PDZRN4: variants seen among roughly 807,000 people sequenced by gnomAD.
PDZRN4 encodes the protein PDZ domain containing ring finger 4, also known as PDZ domain-containing RING finger protein 4.
In PDZRN4, 70 loss-of-function variants were observed where a neutral mutation model predicts 99.0. That is an observed-to-expected ratio of 0.71 (90% CI 0.58 to 0.86). The LOEUF is 0.86. Ranked by LOEUF, PDZRN4 falls within the 40% of genes least tolerant of loss-of-function variation. The probability of loss-of-function intolerance (pLI) is 0.00; values close to 1 mark genes in which losing one functional copy is unlikely to be tolerated. For missense variants in PDZRN4, 1,474 were observed against 1,331.2 expected (o/e 1.11, Z -1.67); for synonymous variants, 551 against 501.6 (o/e 1.10, Z -1.32).
chr12:41,454,053 T>G (rs1952798092), intron 3 of PDZRN4, among the ~76,000 whole-genome samples: 1 of 151,376 alleles, frequency 6.6e-6, no homozygotes, highest in Non-Finnish European at 1.5e-5. Context: ...TTTTTTCTTC[T>G]GATGAGCTAT....
intron 3 of PDZRN4, among the ~76,000 whole-genome samples, chr12:41,209,227 T>G (rs1047708580): frequency 7.2e-5 from 11 of 152,168 alleles, no homozygotes; most frequent in African/African-American, 2.6e-4. Context: ...GTTACTTTCT[T>G]TAGCTTTCTA....
At chr12:41,401,637 C>T (rs1023805370) in intron 3 of PDZRN4, among the ~76,000 whole-genome samples, 2 of 152,126 alleles carry the variant, frequency 1.3e-5, no homozygotes, top group Non-Finnish European at 2.9e-5. Flanking sequence ...TGTGCAAATG[C>T]TTCCATACTT....
chr12:41,488,096 AG>A (rs1937810527), intron 3 of PDZRN4, among the ~76,000 whole-genome samples: 1 of 152,184 alleles, frequency 6.6e-6, no homozygotes, highest in Non-Finnish European at 1.5e-5. Flanking sequence ...AATGTTACAA[AG>A]TATTATTTTA....
intron 3 of PDZRN4, among the ~76,000 whole-genome samples, chr12:41,374,053 G>A (rs1952062481): frequency 6.6e-6 from 1 of 152,126 alleles, no homozygotes. Context: ...CATTATTAGG[G>A]ACTTATGCTT....
intron 3 of PDZRN4, among the ~76,000 whole-genome samples, chr12:41,319,897 A>G (rs990167811): frequency 6.6e-6 from 1 of 152,098 alleles, no homozygotes; most frequent in South Asian, 2.1e-4. Context: ...TGGTAGCCCT[A>G]CCCTTTTCTG....
Position 41,433,903 on chromosome 12 carries a change from A to T in PDZRN4, c.844-72553A>T, listed in dbSNP as rs186315697. Among the ~76,000 whole-genome samples, 36 of 152,342 alleles carry T rather than the reference A, an allele frequency of 2.4e-4. No homozygotes were observed. In the East Asian group the frequency reaches 6.7e-3, roughly 29 times the overall value. On this transcript the variant is annotated intron_variant, in intron 3 of 9. Coordinates refer to ENST00000402685, the MANE Select transcript of PDZRN4 (RefSeq NM_001164595.2). Reference sequence around the variant, plus strand: ...AACAAAAATATAGAAAACACCAATAACAAATGTCAGTTTAATGAATAGTAA... The same window carrying T: ...AACAAAAATATAGAAAACACCAATATCAAATGTCAGTTTAATGAATAGTAA...
intron 3 of PDZRN4, among the ~76,000 whole-genome samples, chr12:41,241,095 T>C (rs1053214758): frequency 4.6e-5 from 7 of 152,130 alleles, no homozygotes; most frequent in Non-Finnish European, 1.0e-4. Context: ...TTATCCAAAA[T>C]GCTCAAGACC....
chr12:41,260,377 GTC>G (rs1951229219), intron 3 of PDZRN4, among the ~76,000 whole-genome samples: 1 of 151,992 alleles, frequency 6.6e-6, no homozygotes, highest in African/African-American at 2.4e-5. Context: ...TTTGTGGGTG[GTC>G]TCTGATTAAA....
chr12:41,407,789 T>C (rs572145787), intron 3 of PDZRN4, among the ~76,000 whole-genome samples: 2 of 152,168 alleles, frequency 1.3e-5, no homozygotes, highest in African/African-American at 2.4e-5. Flanking sequence ...AATATTAACA[T>C]TTCACATTTT....
chr12:41,403,431 T>C (rs1216388050), intron 3 of PDZRN4, among the ~76,000 whole-genome samples: 2 of 152,172 alleles, frequency 1.3e-5, no homozygotes, highest in Non-Finnish European at 2.9e-5. Flanking sequence ...GCTATTTCCA[T>C]CGGGAACGTG....
In PDZRN4 at chr12:41,398,482, G is replaced by A. The variant is rs143768939; in HGVS notation, c.844-107974G>A. On this transcript the variant is annotated intron_variant, in intron 3 of 9. Transcript: ENST00000402685. ...ACCTTGATCTGTTCTCCCTTTTCTA[G>A]AAAAATATTAGAACACTCCCCAACA... Among the ~76,000 whole-genome samples the A allele has an allele frequency of 8.6e-5, 13 of 152,020 alleles. No individual in the cohort carries two copies. In the East Asian group the frequency reaches 2.5e-3, roughly 29 times the overall value.
At chr12:41,526,689 T>C (rs1194860428) in intron 5 of PDZRN4, among the ~76,000 whole-genome samples, 20 of 152,218 alleles carry the variant, frequency 1.3e-4, no homozygotes, top group Admixed American at 1.3e-3. Context: ...TTCTTAGTTT[T>C]ACAACTTTAT....
intron 3 of PDZRN4, among the ~76,000 whole-genome samples, chr12:41,385,323 G>A (rs549721317): frequency 1.3e-5 from 2 of 152,250 alleles, no homozygotes; most frequent in South Asian, 4.1e-4. Context: ...CAGGGGAAAG[G>A]CATTCCAGAC....
intron 3 of PDZRN4, among the ~76,000 whole-genome samples, chr12:41,377,663 C>CAA (rs557332286): frequency 1.4e-5 from 2 of 143,460 alleles, no homozygotes; most frequent in African/African-American, 5.1e-5. Flanking sequence ...GACTCCACCT[C>CAA]AAAAAAAAAA....
At chr12:41,490,693 C>T (rs1006594607) in intron 3 of PDZRN4, among the ~76,000 whole-genome samples, 3 of 152,100 alleles carry the variant, frequency 2.0e-5, no homozygotes, top group African/African-American at 7.2e-5. Context: ...AGGCTGGTTG[C>T]TCTTCAACAT....
intron 3 of PDZRN4, among the ~76,000 whole-genome samples, chr12:41,402,040 T>C (rs544019835): frequency 7.0e-6 from 1 of 143,352 alleles, no homozygotes; most frequent in East Asian, 2.1e-4. Context: ...CACTTGTAAC[T>C]TCTTCCCACT....
intron 3 of PDZRN4, among the ~76,000 whole-genome samples, chr12:41,407,710 G>A (rs34285568): frequency 0.025 from 2,447 of 98,900 alleles, 38 homozygotes; most frequent in Non-Finnish European, 0.03. Context: ...ATGTACAAAA[G>A]AGAAAAAAAA....
At chr12:41,375,786 T>G (rs1952074438) in intron 3 of PDZRN4, among the ~76,000 whole-genome samples, 1 of 152,090 alleles carries the variant, frequency 6.6e-6, no homozygotes, top group East Asian at 1.9e-4. Context: ...ACATTTAAGG[T>G]CTACTCTGTT....
chr12:41,466,321 G>A (rs566151732), intron 3 of PDZRN4, among the ~76,000 whole-genome samples: 1 of 152,260 alleles, frequency 6.6e-6, no homozygotes, highest in South Asian at 2.1e-4. Flanking sequence ...ACCTAGGTTA[G>A]GCATTAATAC....
Sources: gnomAD v4.1 joint callset for allele counts (sites outside exome capture counted in the v4.1 genomes callset) on GRCh38, gnomAD v4.1.1 for gene constraint, MANE v1.5 for transcripts, NCBI Gene and HGNC (gene_info 2026-07-23, HGNC 2026-07-21) for gene names.